Variants in SMOC1 observed in about 807,000 individuals in gnomAD.
SMOC1 encodes SPARC related modular calcium binding 1.
Under a neutral mutation model 56.3 loss-of-function variants are expected in SMOC1, and 22 were observed. The ratio of observed to expected loss-of-function variants is 0.39; its 90% CI spans 0.28 to 0.56. The LOEUF (loss-of-function observed/expected upper bound fraction) is 0.56, where lower values mean the gene tolerates loss of function less well. Ranked by LOEUF, SMOC1 falls within the 20% of genes least tolerant of loss-of-function variation. The pLI is 0.61. For synonymous variants in SMOC1, 193 were observed against 215.0 expected (o/e 0.90, Z 0.89); for missense variants, 509 against 565.4 (o/e 0.90, Z 1.01).
intron 7 of SMOC1, among the ~76,000 whole-genome samples, chr14:70,006,300 G>C (rs1885145726): frequency 6.6e-6 from 1 of 152,164 alleles, no homozygotes; most frequent in East Asian, 1.9e-4. Context: ...GTTAATACAA[G>C]CAAACTGCCC....
chr14:70,020,953 G>A (rs574581986), intron 10 of SMOC1, among the ~76,000 whole-genome samples: 5 of 152,236 alleles, frequency 3.3e-5, no homozygotes, highest in Non-Finnish European at 7.3e-5. Context: ...CCAGAAACAC[G>A]TGTTGGAGGG....
intron 1 of SMOC1, among the ~76,000 whole-genome samples, chr14:69,909,921 A>G (rs536511284): frequency 9.6e-4 from 146 of 152,226 alleles, no homozygotes; most frequent in Admixed American, 2.0e-3. Context: ...TTATTAGTCA[A>G]GAGGACGTGA....
In SMOC1 at chr14:70,031,964, A is replaced by G. The variant is rs1886167880; in HGVS notation, c.*1706A>G. On this transcript the variant is annotated 3_prime_UTR_variant, in exon 12 of 12. Transcript: ENST00000361956. The stretch of plus-strand genomic sequence containing the variant: ...CAAGCACTGTCCCTGTGGGAGGAGC[A>G]CAACCTTCTCGGGACAGGATCTGAT... 6.6e-6 allele frequency: 1 copy of G among 152,346 alleles called. No homozygotes were observed. 9.4% of individuals were successfully genotyped at this position (152,346 alleles called of 1,614,324 possible).
intron 7 of SMOC1, among the ~76,000 whole-genome samples, chr14:70,005,427 T>A (rs1054563377): frequency 6.6e-6 from 1 of 152,062 alleles, no homozygotes; most frequent in African/African-American, 2.4e-5. Context: ...GGAGACAGGG[T>A]TCATGTTTGT....
At chr14:69,966,058 G>A (rs1883565962) in intron 3 of SMOC1, among the ~76,000 whole-genome samples, 2 of 152,128 alleles carry the variant, frequency 1.3e-5, no homozygotes, top group Admixed American at 6.5e-5. Flanking sequence ...AACAAGGAAA[G>A]GCTCCACTCC....
At chr14:69,882,949 G>A (rs1195846371) in intron 1 of SMOC1, among the ~76,000 whole-genome samples, 2 of 152,210 alleles carry the variant, frequency 1.3e-5, no homozygotes, top group African/African-American at 4.8e-5. Flanking sequence ...AGAAGTGTGA[G>A]AAATAGGAGA....
rs1462143629 is a variant in SMOC1 at position 70,032,064 on chromosome 14, C to T, written c.*1806C>T. The stretch of plus-strand genomic sequence containing the variant: ...GGTTATCTCAGGAATGACTGGTGGC[C>T]CTGCCCCAACGTGGAAAGGTGGGAA... On this transcript the variant is annotated 3_prime_UTR_variant, in exon 12 of 12. Transcript: ENST00000361956. 6.6e-6 allele frequency: 1 copy of T among 152,326 alleles called. No homozygotes were observed. Among genetic ancestry groups the T allele is most frequent in the Non-Finnish European group, 1.5e-5 (1 of 68,122 alleles). 9.4% of individuals were successfully genotyped at this position (152,326 alleles called of 1,614,324 possible). A position where few individuals can be genotyped will look rare whatever the true frequency, so the allele number is the denominator to read the frequency against.
intron 7 of SMOC1, among the ~76,000 whole-genome samples, chr14:70,010,028 G>A (rs1421522451): frequency 2.6e-5 from 4 of 152,212 alleles, no homozygotes; most frequent in Non-Finnish European, 5.9e-5. Context: ...TGTCTCAGCC[G>A]GGGACTGGCT....
In SMOC1 at chr14:69,986,762, A is replaced by G. The variant is rs1345549134; in HGVS notation, c.527-5655A>G. Among the ~76,000 whole-genome samples the G allele has an allele frequency of 2.0e-5, 3 of 152,236 alleles. No homozygotes were observed. The East Asian group carries it at 5.8e-4, about 29-fold the overall frequency. On this transcript the variant is annotated intron_variant, in intron 5 of 11. Coordinates refer to ENST00000361956, the MANE Select transcript of SMOC1 (RefSeq NM_001034852.3). ...TCTGTTTTTGCTCTTCTTCAGCTCA[A>G]GGATGTGAGAACTGCCTGCAAAAAG...
chr14:69,961,332 A>C (rs905939796), intron 3 of SMOC1, among the ~76,000 whole-genome samples: 2 of 123,092 alleles, frequency 1.6e-5, no homozygotes, highest in Admixed American at 8.7e-5. Context: ...TGTTTTATTT[A>C]TTCATTCATC....
intron 3 of SMOC1, among the ~76,000 whole-genome samples, chr14:69,972,908 T>C (rs1194613169): frequency 2.6e-5 from 4 of 152,200 alleles, no homozygotes; most frequent in Non-Finnish European, 5.9e-5. Flanking sequence ...AGCACAGCAC[T>C]GGGCCAGAGA....
chr14:69,940,180 C>G (rs940633030), intron 1 of SMOC1, among the ~76,000 whole-genome samples: 1 of 152,184 alleles, frequency 6.6e-6, no homozygotes, highest in African/African-American at 2.4e-5. Context: ...CTGCCCAGCA[C>G]CCAGTTGTAT....
chr14:69,925,575 T>C (rs1007695), intron 1 of SMOC1, among the ~76,000 whole-genome samples: 118,835 of 152,136 alleles, frequency 0.78, 47,328 homozygotes, highest in East Asian at 0.98. Context: ...CTTGTCCCGA[T>C]CCCCTTAAAT....
At chr14:70,002,545 GCT>G (rs1432591625) in intron 7 of SMOC1, among the ~76,000 whole-genome samples, 1 of 152,150 alleles carries the variant, frequency 6.6e-6, no homozygotes, top group Non-Finnish European at 1.5e-5. Flanking sequence ...CTCATCAGGG[GCT>G]CCCAGAGCCC....
chr14:69,928,062 G>A (rs1187968819), intron 1 of SMOC1, among the ~76,000 whole-genome samples: 1 of 152,222 alleles, frequency 6.6e-6, no homozygotes, highest in Admixed American at 6.5e-5. Flanking sequence ...AAGAGAAAAG[G>A]TGCTTTGAAT....
intron 1 of SMOC1, among the ~76,000 whole-genome samples, chr14:69,918,548 T>G (rs1182841449): frequency 1.3e-5 from 2 of 152,144 alleles, no homozygotes; most frequent in Non-Finnish European, 2.9e-5. Flanking sequence ...ATTTTGACCA[T>G]GAACCCTAGG....
intron 1 of SMOC1, among the ~76,000 whole-genome samples, chr14:69,902,651 C>A (rs149293484): frequency 0.014 from 2,147 of 152,346 alleles, 45 homozygotes; most frequent in African/African-American, 0.049. Flanking sequence ...TTTCCACGGT[C>A]TCCCTCTGAT....
In SMOC1 at chr14:69,957,363, C is replaced by T. The variant is rs141200657; in HGVS notation, c.378+3831C>T. Among the ~76,000 whole-genome samples, 160 of 152,266 alleles carry T rather than the reference C, an allele frequency of 1.1e-3. 1 individual carries two copies. Among genetic ancestry groups the T allele is most frequent in the African/African-American group, 3.3e-3 (137 of 41,542 alleles). ...TACAACCTTTTGAGAGTTATTAATA[C>T]GCTTATGTATAAAGAAAAATTGAGT... On this transcript the variant is annotated intron_variant, in intron 3 of 11. Transcript: ENST00000361956.
At chr14:69,941,218 C>A (rs1419536528) in intron 1 of SMOC1, among the ~76,000 whole-genome samples, 1 of 152,192 alleles carries the variant, frequency 6.6e-6, no homozygotes, top group African/African-American at 2.4e-5. Flanking sequence ...GGGCAGCAAC[C>A]CTGTTCCATA....
Sources: gnomAD v4.1 joint callset for allele counts (sites outside exome capture counted in the v4.1 genomes callset) on GRCh38, gnomAD v4.1.1 for gene constraint, MANE v1.5 for transcripts, NCBI Gene and HGNC (gene_info 2026-07-23, HGNC 2026-07-21) for gene names.